Variants in TM9SF4 observed in about 807,000 individuals in gnomAD.
TM9SF4 encodes dinucleotide oxidase disulfide thiol exchanger 3 superfamily member 4.
TM9SF4 carries 26 observed loss-of-function variants against 90.4 expected under a neutral mutation model. That is an observed-to-expected ratio of 0.29 (90% CI 0.21 to 0.40). The LOEUF is 0.40. TM9SF4 is among the 10% of genes least tolerant of loss of function. TM9SF4 has a pLI of 1.00. For missense variants in TM9SF4, 549 were observed against 834.8 expected (o/e 0.66, Z 4.22); for synonymous variants, 293 against 315.4 (o/e 0.93, Z 0.75).
chr20:32,123,866 A>ATATATATTTTTTTTTTTT lies in TM9SF4; in HGVS notation c.16-9146_16-9145insATATATTTTTTTTTTTTT. Among the ~76,000 whole-genome samples, 191 of 93,922 alleles carry ATATATATTTTTTTTTTTT rather than the reference A, an allele frequency of 2.0e-3. 2 individuals carry two copies. The highest frequency in any genetic ancestry group is 2.9e-3 in the East Asian group (4 of 1,360). The allele number at this position is 93,922 out of a possible 152,430, so 61.6% of individuals were successfully genotyped here. On this transcript the variant is annotated intron_variant, in intron 1 of 17. Coordinates refer to ENST00000398022, the MANE Select transcript of TM9SF4 (RefSeq NM_014742.4). ...CTCTCATATATATATATATATATAT[A>ATATATATTTTTTTTTTTT]TTTTTTTTTTTAAAGAGATAGGGTC...
intron 1 of TM9SF4, among the ~76,000 whole-genome samples, chr20:32,119,418 G>A (rs1423348900): frequency 1.3e-5 from 2 of 152,100 alleles, no homozygotes; most frequent in Non-Finnish European, 2.9e-5. Flanking sequence ...TTTGGTTTGC[G>A]TTTTCCTATT....
intron 17 of TM9SF4, among the ~76,000 whole-genome samples, chr20:32,164,143 C>T (rs1396262992): frequency 6.6e-6 from 1 of 152,178 alleles, no homozygotes; most frequent in Non-Finnish European, 1.5e-5. Context: ...GCCTCTTTGC[C>T]TCGTCCCTTG....
At chr20:32,131,673 A>G (rs917243897) in intron 1 of TM9SF4, among the ~76,000 whole-genome samples, 6 of 152,088 alleles carry the variant, frequency 3.9e-5, no homozygotes, top group African/African-American at 1.4e-4. Context: ...AGATACAGAA[A>G]CTGACTTGAG....
intron 1 of TM9SF4, among the ~76,000 whole-genome samples, chr20:32,126,608 T>C (rs2046426294): frequency 6.6e-6 from 1 of 152,204 alleles, no homozygotes; most frequent in South Asian, 2.1e-4. Context: ...CCTAGTGTTG[T>C]GATGGGCTGA....
At chr20:32,161,448 G>A (rs2047017472) in intron 17 of TM9SF4, 83 bp downstream of exon 17, 13 of 1,335,814 alleles carry the variant, frequency 9.7e-6, no homozygotes, top group Admixed American at 1.9e-5. Flanking sequence ...AAACCCAAGT[G>A]CCTGAATCTT....
intron 9 of TM9SF4, among the ~76,000 whole-genome samples, chr20:32,147,859 A>G (rs6087822): frequency 0.32 from 14,302 of 45,160 alleles, 1,445 homozygotes; most frequent in East Asian, 0.5. Context: ...TCTCCAAAGG[A>G]AAAAAAAAAA....
intron 1 of TM9SF4, among the ~76,000 whole-genome samples, chr20:32,129,323 T>G (rs1320690034): frequency 6.6e-6 from 1 of 152,094 alleles, no homozygotes; most frequent in Non-Finnish European, 1.5e-5. Context: ...GGAGACACTA[T>G]ATTTACAAAA....
intron 1 of TM9SF4, among the ~76,000 whole-genome samples, chr20:32,126,914 T>C (rs924417674): frequency 1.3e-5 from 2 of 152,088 alleles, no homozygotes; most frequent in Admixed American, 1.3e-4. Context: ...TTTGTATTTT[T>C]AGTAGAGACG....
chr20:32,151,334 C>T (rs1333309203), intron 12 of TM9SF4, among the ~76,000 whole-genome samples: 1 of 152,118 alleles, frequency 6.6e-6, no homozygotes, highest in Non-Finnish European at 1.5e-5. Flanking sequence ...CCTTCTCTGG[C>T]CTCCTGGAGG....
chr20:32,158,418 C>A, intron 14 of TM9SF4, 33 bp from the exon 15 acceptor site: 1 of 1,612,924 alleles, frequency 6.2e-7, no homozygotes, highest in African/African-American at 1.3e-5. Flanking sequence ...GTGGCCTGGT[C>A]TCTAACAATG....
chr20:32,163,268 A>AAAAATATATATATATATAT (rs1555886757), intron 17 of TM9SF4, among the ~76,000 whole-genome samples: 1 of 74,480 alleles, frequency 1.3e-5, no homozygotes, highest in Non-Finnish European at 2.5e-5. Flanking sequence ...AAAAAAAAAA[A>AAAAATATATATATATATAT]ATATATATAT....
rs139891092 is a variant in TM9SF4 at position 32,141,623 on chromosome 20, G to T, written c.356G>T (p.Arg119Leu). The T allele has an allele frequency of 2.5e-6, 4 of 1,614,168 alleles. No individual in the cohort carries two copies. The highest frequency in any genetic ancestry group is 3.4e-6 in the Non-Finnish European group (4 of 1,180,032). ...KPVTLTVEQS[R>L]LVAERITEDY... ...GTGACCCTGACAGTGGAGCAGAGCCGACTCGTGGCCGAGCGGATCACAGAA... is the reference window on the plus strand; with the variant it reads ...GTGACCCTGACAGTGGAGCAGAGCCTACTCGTGGCCGAGCGGATCACAGAA... The change falls in exon 4 of 18, where the codon CGA becomes CTA. Residue 119 changes from arginine to leucine, a missense_variant. Arg to Leu is a moderately radical substitution (Grantham distance 102). Around this residue, in one of 2 missense-constraint regions of TM9SF4, gnomAD observed 495 missense variants for 711.7 expected, o/e 0.70. Coordinates refer to ENST00000398022, the MANE Select transcript of TM9SF4 (RefSeq NM_014742.4).
intron 17 of TM9SF4, among the ~76,000 whole-genome samples, chr20:32,163,901 G>A (rs527346679): frequency 2.6e-5 from 4 of 152,144 alleles, no homozygotes; most frequent in African/African-American, 7.2e-5. Flanking sequence ...GTGAGCCACC[G>A]CACCTGGCCT....
intron 3 of TM9SF4, among the ~76,000 whole-genome samples, chr20:32,137,551 G>A (rs1019805054): frequency 1.4e-4 from 22 of 152,198 alleles, no homozygotes; most frequent in Non-Finnish European, 2.9e-4. Context: ...TGCCTTCATG[G>A]CCTAAGGGCT....
At chr20:32,152,665 C>T (rs1380981444) in intron 12 of TM9SF4, among the ~76,000 whole-genome samples, 1 of 152,162 alleles carries the variant, frequency 6.6e-6, no homozygotes, top group Non-Finnish European at 1.5e-5. Flanking sequence ...TGTGGGTGTA[C>T]TCTCCTACGG....
chr20:32,165,231 C>A, intron 17 of TM9SF4, 64 bp from the exon 18 acceptor site: 1 of 1,599,734 alleles, frequency 6.3e-7, no homozygotes, highest in Non-Finnish European at 8.5e-7. Flanking sequence ...AGAGTGGGGC[C>A]CCAGTTCGCC....
intron 1 of TM9SF4, among the ~76,000 whole-genome samples, chr20:32,128,302 G>C (rs969204620): frequency 6.6e-6 from 1 of 152,228 alleles, no homozygotes; most frequent in Non-Finnish European, 1.5e-5. Context: ...ATCTGGGATA[G>C]ACACTTCTAC....
At chr20:32,136,933 C>T (rs1422638839) in intron 3 of TM9SF4, 11 of 471,080 alleles carry the variant, frequency 2.3e-5, no homozygotes, top group African/African-American at 4.0e-5. Context: ...CTGCCTTCTC[C>T]GTCAGGGCTA....
At chr20:32,142,141 C>A (rs886620574) in intron 5 of TM9SF4, among the ~76,000 whole-genome samples, 8 of 151,938 alleles carry the variant, frequency 5.3e-5, no homozygotes, top group African/African-American at 1.9e-4. Context: ...AAAAAAAAAC[C>A]GTGGAACTTC....
Sources: allele counts gnomAD v4.1 joint callset (sites outside exome capture counted in the v4.1 genomes callset), GRCh38; gene constraint gnomAD v4.1.1; regional missense constraint gnomAD v4.1.1; transcripts MANE v1.5; gene names NCBI Gene and HGNC (gene_info 2026-07-23, HGNC 2026-07-21).